The following PTPRO variants were observed in gnomAD, a reference collection of about 807,000 sequenced individuals.
PTPRO encodes receptor-type tyrosine-protein phosphatase O.
PTPRO carries 62 observed loss-of-function variants against 145.2 expected under a neutral mutation model. The observed-to-expected ratio is 0.43, with a 90% confidence interval of 0.35 to 0.53. The LOEUF is 0.53. PTPRO is among the 20% of genes least tolerant of loss of function. The pLI is 0.01. For synonymous variants in PTPRO, 565 were observed against 514.7 expected (o/e 1.10, Z -1.32); for missense variants, 1,345 against 1,482.7 (o/e 0.91, Z 1.53).
chr12:15,448,344 A>AAAAAAAAAAAAAAAAAAT, intron 1 of PTPRO, among the ~76,000 whole-genome samples: 1 of 146,048 alleles, frequency 6.8e-6, no homozygotes, highest in Non-Finnish European at 1.5e-5. Flanking sequence ...CCTAGTAAAA[A>AAAAAAAAAAAAAAAAAAT]AAAAAAAAAA....
At chr12:15,470,080 T>C (rs1343773057) in intron 1 of PTPRO, among the ~76,000 whole-genome samples, 4 of 152,208 alleles carry the variant, frequency 2.6e-5, no homozygotes, top group African/African-American at 4.8e-5. Flanking sequence ...TTCTGTTTTT[T>C]TCATGATGCT....
At chr12:15,496,490 T>C (rs1299103806) in intron 2 of PTPRO, among the ~76,000 whole-genome samples, 1 of 152,162 alleles carries the variant, frequency 6.6e-6, no homozygotes, top group Non-Finnish European at 1.5e-5. Flanking sequence ...GTTTAATAGC[T>C]TCTTTAGAAA....
chr12:15,514,102 A>G (rs1172477379), intron 7 of PTPRO, among the ~76,000 whole-genome samples: 1 of 152,166 alleles, frequency 6.6e-6, no homozygotes, highest in Admixed American at 6.5e-5. Flanking sequence ...TTATTCATCT[A>G]TACGTTCTCA....
At chr12:15,486,785 C>G (rs937210945) in intron 2 of PTPRO, among the ~76,000 whole-genome samples, 2 of 151,272 alleles carry the variant, frequency 1.3e-5, no homozygotes, top group Non-Finnish European at 2.9e-5. Flanking sequence ...TAGTTGCTAC[C>G]AATTTAAATA....
At chr12:15,514,158 A>G (rs116709890) in intron 7 of PTPRO, among the ~76,000 whole-genome samples, 75 of 152,152 alleles carry the variant, frequency 4.9e-4, no homozygotes, top group African/African-American at 1.8e-3. Context: ...AATTTTTTTT[A>G]AAAAAAGCAG....
At chr12:15,486,251 A>G (rs1309616438) in intron 2 of PTPRO, among the ~76,000 whole-genome samples, 1 of 152,186 alleles carries the variant, frequency 6.6e-6, no homozygotes, top group African/African-American at 2.4e-5. Flanking sequence ...CAAGATTGCT[A>G]TGTCTTCTTG....
At chr12:15,508,815 A>C (rs1182459782) in intron 7 of PTPRO, 48 bp downstream of exon 7, 1 of 1,580,562 alleles carries the variant, frequency 6.3e-7, no homozygotes. Context: ...TCCTAAGCAC[A>C]ACCTTACAGG....
intron 2 of PTPRO, among the ~76,000 whole-genome samples, chr12:15,488,885 A>T (rs1941943798): frequency 6.6e-6 from 1 of 152,188 alleles, no homozygotes; most frequent in South Asian, 2.1e-4. Flanking sequence ...GTAGTTTCTC[A>T]GCACGTAAAA....
At chr12:15,518,346 G>A (rs1326467277) in intron 9 of PTPRO, among the ~76,000 whole-genome samples, 2 of 152,196 alleles carry the variant, frequency 1.3e-5, no homozygotes, top group Non-Finnish European at 2.9e-5. Flanking sequence ...AGGGACCCTG[G>A]GCCTGGGCCA....
rs1477684513 is a variant in PTPRO, at chr12:15,484,231, A to G, written c.333A>G (p.Ser111=). Residue 111 remains serine, a synonymous_variant, in exon 2 of 27, where the codon TCA becomes TCG. Coordinates refer to ENST00000281171, the MANE Select transcript of PTPRO (RefSeq NM_030667.3). ...ATGTGGTGACCAAGCCATCCAGATC[A>G]ATCACTGTGTTAACAAGTAAGCATC... ...NGNVVTKPSR[S]ITVLTKPLPV... 14 of 1,613,426 alleles carry G rather than the reference A, an allele frequency of 8.7e-6. No individual in the cohort carries two copies. Among genetic ancestry groups the G allele is most frequent in the Non-Finnish European group, 1.1e-5 (13 of 1,179,578 alleles).
At chr12:15,570,547 G>GA (rs532838463) in intron 19 of PTPRO, among the ~76,000 whole-genome samples, 2 of 152,124 alleles carry the variant, frequency 1.3e-5, no homozygotes, top group African/African-American at 4.8e-5. Context: ...CCTGTGTCCT[G>GA]AAAAATTCCA....
intron 3 of PTPRO, among the ~76,000 whole-genome samples, chr12:15,497,623 A>G (rs1942134536): frequency 6.6e-6 from 1 of 152,244 alleles, no homozygotes; most frequent in Non-Finnish European, 1.5e-5. Flanking sequence ...GTTCAGCATG[A>G]GAAATACTCT....
intron 1 of PTPRO, among the ~76,000 whole-genome samples, chr12:15,438,331 T>C (rs1042780480): frequency 2.0e-5 from 3 of 152,158 alleles, no homozygotes; most frequent in East Asian, 1.9e-4. Context: ...CACCAAAAGA[T>C]TGAGCTACCT....
chr12:15,541,468 T>C (rs1269423285), intron 12 of PTPRO, among the ~76,000 whole-genome samples: 1 of 152,214 alleles, frequency 6.6e-6, no homozygotes, highest in Non-Finnish European at 1.5e-5. Context: ...TACCACAGAC[T>C]GGGTGGCTTA....
intron 1 of PTPRO, among the ~76,000 whole-genome samples, chr12:15,387,675 G>A (rs1294963548): frequency 6.6e-6 from 1 of 152,124 alleles, no homozygotes; most frequent in African/African-American, 2.4e-5. Context: ...GTACCCCAGT[G>A]TCTAAAACAT....
intron 2 of PTPRO, among the ~76,000 whole-genome samples, chr12:15,495,623 G>A (rs561423041): frequency 1.4e-4 from 21 of 151,978 alleles, no homozygotes; most frequent in African/African-American, 4.8e-4. Context: ...GTTTTATCAA[G>A]CACAAAGTGT....
intron 1 of PTPRO, among the ~76,000 whole-genome samples, chr12:15,353,702 T>G (rs1937887670): frequency 6.6e-6 from 1 of 152,224 alleles, no homozygotes. Context: ...CTATTGTTCT[T>G]TGGCTATCTG....
chr12:15,437,556 T>A (rs988803809), intron 1 of PTPRO, among the ~76,000 whole-genome samples: 8 of 152,210 alleles, frequency 5.3e-5, no homozygotes, highest in African/African-American at 1.4e-4. Flanking sequence ...AGTAAGACCC[T>A]TTCTGCTCCA....
chr12:15,525,510 T>C (rs549974216), intron 11 of PTPRO, among the ~76,000 whole-genome samples: 38 of 152,302 alleles, frequency 2.5e-4, no homozygotes, highest in African/African-American at 8.9e-4. Flanking sequence ...AAATTCTGTT[T>C]TGTTGTTCCA....
Sources: gnomAD v4.1 joint callset for allele counts (sites outside exome capture counted in the v4.1 genomes callset) on GRCh38, gnomAD v4.1.1 for gene constraint, MANE v1.5 for transcripts, NCBI Gene and HGNC (gene_info 2026-07-23, HGNC 2026-07-21) for gene names.